Variants in XPO6 observed in about 807,000 individuals in gnomAD.
The protein encoded by XPO6 is exportin-6.
In XPO6, 3 loss-of-function variants were observed where a neutral mutation model predicts 130.0. That is an observed-to-expected ratio of 0.02 (90% CI 0.01 to 0.06). The LOEUF (loss-of-function observed/expected upper bound fraction) is 0.06, where lower values mean the gene tolerates loss of function less well. XPO6 is among the 10% of genes least tolerant of loss of function. XPO6 has a pLI of 1.00. For missense variants in XPO6, 970 were observed against 1,393.0 expected (o/e 0.70, Z 4.83); for synonymous variants, 524 against 548.9 (o/e 0.95, Z 0.63).
intron 1 of XPO6, among the ~76,000 whole-genome samples, chr16:28,192,262 CAAA>C (rs11429447): frequency 0.066 from 5,478 of 82,534 alleles, 274 homozygotes; most frequent in East Asian, 0.21. Flanking sequence ...GACTCCGTCT[CAAA>C]AAAAAAAAAA....
At chr16:28,130,577 G>A (rs552747632) in intron 12 of XPO6, among the ~76,000 whole-genome samples, 64 of 152,312 alleles carry the variant, frequency 4.2e-4, no homozygotes, top group African/African-American at 1.4e-3. Flanking sequence ...GAGAGAGCTC[G>A]TTTTAAAGCA....
At position 28,101,269 on chromosome 16, in the gene XPO6, G is replaced by T. The variant is rs769433170; in HGVS notation, c.3276+189C>A. 1 of 678,772 alleles carries T rather than the reference G, an allele frequency of 1.5e-6. No homozygotes were observed. Among genetic ancestry groups the T allele is most frequent in the South Asian group, 1.6e-5 (1 of 63,908 alleles). The allele number at this position is 678,772 out of a possible 1,614,324, so 42.0% of individuals were successfully genotyped here. A position where few individuals can be genotyped will look rare whatever the true frequency, so the allele number is the denominator to read the frequency against. On this transcript the variant is annotated intron_variant, in intron 23 of 23. Coordinates refer to ENST00000304658, the MANE Select transcript of XPO6 (RefSeq NM_015171.4). The surrounding 1 kb of genome is among the most constrained non-coding windows in gnomAD (Gnocchi z 5.4). The stretch of plus-strand genomic sequence containing the variant: ...ATACGTGCTACAGACACCAAGACTG[G>T]GGAAAAGGCTGTGCCCCTCAATCAG...
At chr16:28,135,863 G>A (rs999985694) in intron 9 of XPO6, among the ~76,000 whole-genome samples, 2 of 152,100 alleles carry the variant, frequency 1.3e-5, no homozygotes, top group Non-Finnish European at 2.9e-5. Context: ...TATTTTCTAT[G>A]ACTTATGTTC....
chr16:28,156,605 A>AT lies in XPO6; in HGVS notation c.644-79_644-78insA, dbSNP rs1555528190. 18 of 877,642 alleles carry AT rather than the reference A, an allele frequency of 2.1e-5. No individual in the cohort carries two copies. In the African/African-American group the frequency reaches 2.4e-4, roughly 12 times the overall value. 54.4% of individuals were successfully genotyped at this position (877,642 alleles called of 1,614,324 possible). On this transcript the variant is annotated intron_variant, in intron 6 of 23. Transcript: ENST00000304658. ...ACTTTAAGTAATTCTCCTTCAAAAAAATATATATATATATGTATACATATA... is the reference window on the plus strand; with the variant it reads ...ACTTTAAGTAATTCTCCTTCAAAAAATATATATATATATATGTATACATATA...
intron 1 of XPO6, among the ~76,000 whole-genome samples, chr16:28,199,894 C>T (rs2043929145): frequency 1.3e-5 from 2 of 151,940 alleles, no homozygotes; most frequent in East Asian, 2.0e-4. Context: ...CGGTGGCTCA[C>T]TCCTGTAATC....
intron 12 of XPO6, 120 bp from the exon 13 acceptor site, chr16:28,125,968 A>G: frequency 7.7e-7 from 1 of 1,299,268 alleles, no homozygotes; most frequent in South Asian, 1.4e-5. Flanking sequence ...TTCGCGAAAC[A>G]AAGCAACCCA....
Position 28,098,515 on chromosome 16 carries a change from C to T in XPO6, c.*23G>A, listed in dbSNP as rs777997338. The T allele has an allele frequency of 2.5e-6, 4 of 1,592,928 alleles. No individual in the cohort carries two copies. The highest frequency in any genetic ancestry group is 2.3e-5 in the East Asian group (1 of 44,102). ...GGCGCAGGTGGCAGCAGCAGAAGTC[C>T]GTGTCCCCAGGCAGTAGCAGGCCTA... On this transcript the variant is annotated 3_prime_UTR_variant, in exon 24 of 24. Coordinates refer to ENST00000304658, the MANE Select transcript of XPO6 (RefSeq NM_015171.4).
chr16:28,156,151 A>C lies in XPO6; in HGVS notation c.1020T>G (p.Thr340=), dbSNP rs773280435. The change falls in exon 7 of 24, where the codon ACT becomes ACG. Residue 340 remains threonine, a synonymous_variant. Coordinates refer to ENST00000304658, the MANE Select transcript of XPO6 (RefSeq NM_015171.4). ...EEYLLRMFQQ[T]FYLLQKITKD... ...TGGTGATTTTCTGCAGGAGGTAGAA[A>C]GTCTGCTGGAACATACGCAGTAAAT... 3 of 1,614,124 alleles carry C rather than the reference A, an allele frequency of 1.9e-6. No individual in the cohort carries two copies. In the Admixed American group the frequency reaches 5.0e-5, roughly 27 times the overall value.
intron 1 of XPO6, 136 bp from the exon 2 acceptor site, chr16:28,181,167 G>T (rs1055503969): frequency 3.5e-6 from 2 of 573,034 alleles, no homozygotes; most frequent in African/African-American, 1.9e-5. Context: ...TCAAATGCAT[G>T]GTATATGCCA....
chr16:28,133,309 G>A (rs1486523202), intron 11 of XPO6, among the ~76,000 whole-genome samples: 1 of 151,904 alleles, frequency 6.6e-6, no homozygotes, highest in Non-Finnish European at 1.5e-5. Context: ...TGCACACTCC[G>A]GCCTGGGAGA....
chr16:28,205,687 T>C (rs908232409), intron 1 of XPO6, among the ~76,000 whole-genome samples: 8 of 152,116 alleles, frequency 5.3e-5, no homozygotes, highest in Admixed American at 4.6e-4. Context: ...CTGTGTGACC[T>C]TGGGAAGTTG....
At position 28,101,227 on chromosome 16, in the gene XPO6, T is replaced by G; in HGVS notation, c.3276+231A>C. 4.7e-5 allele frequency: 28 copies of G among 599,714 alleles called. 1 individual carries two copies. The South Asian group carries it at 5.2e-4, about 11-fold the overall frequency. The allele number at this position is 599,714 out of a possible 1,614,324, so 37.1% of individuals were successfully genotyped here. A position where few individuals can be genotyped will look rare whatever the true frequency, so the allele number is the denominator to read the frequency against. On this transcript the variant is annotated intron_variant, in intron 23 of 23. Coordinates refer to ENST00000304658, the MANE Select transcript of XPO6 (RefSeq NM_015171.4). This position sits in a 1 kb window ranked among gnomAD's most constrained non-coding sequence, Gnocchi z 5.4. ...CAGAGCCAGGAACTCGGGACCTCCA[T>G]GGCTGAGACTAAGAACATACGTGCT...
intron 8 of XPO6, among the ~76,000 whole-genome samples, chr16:28,151,942 T>C (rs1326975660): frequency 6.6e-6 from 1 of 152,196 alleles, no homozygotes; most frequent in Non-Finnish European, 1.5e-5. Flanking sequence ...TCTAAAATTG[T>C]ACTGTGGTGA....
intron 6 of XPO6, among the ~76,000 whole-genome samples, chr16:28,158,448 A>G (rs1377793931): frequency 1.3e-5 from 2 of 152,228 alleles, no homozygotes; most frequent in African/African-American, 2.4e-5. Context: ...CACTCTTCTC[A>G]GTGAATTTTT....
chr16:28,153,465 A>T, intron 7 of XPO6: 1 of 985,194 alleles, frequency 1.0e-6, no homozygotes, highest in Non-Finnish European at 1.2e-6. Context: ...ATGGCAGAAC[A>T]GGACTATCAT....
chr16:28,150,188 T>A (rs2043060754), intron 8 of XPO6, among the ~76,000 whole-genome samples: 1 of 152,050 alleles, frequency 6.6e-6, no homozygotes, highest in Admixed American at 6.6e-5. Context: ...ACATACCTAC[T>A]CCCACAGGTG....
Position 28,209,565 on chromosome 16 carries a change from G to A in XPO6, c.3+1801C>T, listed in dbSNP as rs772579497. Reference sequence around the variant, plus strand: ...TGAGGCAGGAGAATCACTTGAACCCGGGAGGCAGAAGTTGCCGTGAGCTGA... The same window carrying A: ...TGAGGCAGGAGAATCACTTGAACCCAGGAGGCAGAAGTTGCCGTGAGCTGA... On this transcript the variant is annotated intron_variant, in intron 1 of 23. Transcript: ENST00000304658. 6.5e-4 allele frequency among the ~76,000 whole-genome samples: 97 copies of A among 150,002 alleles called. 1 individual carries two copies. Among genetic ancestry groups the A allele is most frequent in the Non-Finnish European group, 5.5e-4 (37 of 67,432 alleles).
chr16:28,137,488 C>T (rs1337141350), intron 9 of XPO6, among the ~76,000 whole-genome samples: 1 of 152,110 alleles, frequency 6.6e-6, no homozygotes, highest in Non-Finnish European at 1.5e-5. Context: ...AGTACTGGGA[C>T]AACATGATAA....
intron 1 of XPO6, among the ~76,000 whole-genome samples, chr16:28,190,687 A>G (rs540072488): frequency 1.3e-5 from 2 of 152,366 alleles, no homozygotes; most frequent in East Asian, 1.9e-4. Context: ...AGGTTAGATC[A>G]AAGTACTGAA....
Sources: gnomAD v4.1 joint callset for allele counts (sites outside exome capture counted in the v4.1 genomes callset) on GRCh38, gnomAD v4.1.1 for gene constraint, Gnocchi (gnomAD v3.1) non-coding constraint, MANE v1.5 for transcripts, NCBI Gene and HGNC (gene_info 2026-07-23, HGNC 2026-07-21) for gene names.